RNF217: variants seen among roughly 807,000 people sequenced by gnomAD.
RNF217 encodes E3 ubiquitin-protein ligase RNF217.
RNF217 carries 31 observed loss-of-function variants against 57.8 expected under a neutral mutation model. That is an observed-to-expected ratio of 0.54 (90% CI 0.40 to 0.72). The LOEUF (loss-of-function observed/expected upper bound fraction) is 0.72, where lower values mean the gene tolerates loss of function less well. RNF217 is among the 30% of genes least tolerant of loss of function. RNF217 has a pLI of 0.00. For synonymous variants in RNF217, 313 were observed against 294.0 expected (o/e 1.06, Z -0.66); for missense variants, 696 against 708.3 (o/e 0.98, Z 0.20).
rs750897491 is a variant in RNF217 at position 124,962,870 on chromosome 6, A to G, written c.326A>G (p.Glu109Gly). ...TTGCCACTGCAGTTGGAGCTGGAGG[A>G]GGAAGAGGAGGAAGCTGGGGATCGA... ...QTLPLQLELE[E>G]EEEEAGDRKE... is the part of the protein sequence containing the mutation. Residue 109 changes from glutamate to glycine, a missense_variant, in exon 1 of 6, where the codon GAG (glutamate) becomes GGG (glycine). Glu to Gly is a moderately conservative substitution (Grantham distance 98). This residue lies in a region of RNF217 where 465 missense variants were observed against 386.8 expected (regional missense o/e 1.20). Transcript: ENST00000521654. The surrounding 1 kb of genome is among the most constrained non-coding windows in gnomAD (Gnocchi z 4.6). The G allele has an allele frequency of 9.4e-6, 15 of 1,597,862 alleles. No homozygotes were observed. The highest frequency in any genetic ancestry group is 1.3e-5 in the Non-Finnish European group (15 of 1,179,642).
In RNF217 at chr6:125,083,529, G is replaced by A. The variant is rs1241437325; in HGVS notation, c.*592G>A. On this transcript the variant is annotated 3_prime_UTR_variant, in exon 6 of 6. Transcript: ENST00000521654. ...ATGAGAAGAATATTAAGTTACTGAA[G>A]TGTATATGCGTAGGGGCGTGAATGT... is the stretch of plus-strand genomic sequence containing the variant. The A allele has an allele frequency of 6.6e-6, 1 of 152,090 alleles. No homozygotes were observed. Among genetic ancestry groups the A allele is most frequent in the Admixed American group, 6.6e-5 (1 of 15,240 alleles). The allele number at this position is 152,090 out of a possible 1,614,324, so 9.4% of individuals were successfully genotyped here. A position where few individuals can be genotyped will look rare whatever the true frequency, so the allele number is the denominator to read the frequency against.
intron 1 of RNF217, among the ~76,000 whole-genome samples, chr6:124,980,842 A>G (rs1009169943): frequency 2.0e-5 from 3 of 152,226 alleles, no homozygotes; most frequent in Non-Finnish European, 4.4e-5. Flanking sequence ...TATTGATCAT[A>G]AAACCAGTAG....
chr6:125,035,649 G>C (rs1786581972), intron 1 of RNF217, among the ~76,000 whole-genome samples: 1 of 152,034 alleles, frequency 6.6e-6, no homozygotes. Context: ...GGTAAACAAA[G>C]ATTTAAATTA....
intron 3 of RNF217, among the ~76,000 whole-genome samples, chr6:125,070,710 AT>A (rs1227590454): frequency 1.3e-5 from 2 of 152,202 alleles, no homozygotes; most frequent in East Asian, 1.9e-4. Context: ...GTTTCAGGAA[AT>A]TTTTTTAAAG....
chr6:125,018,168 AGT>A (rs1785684877), intron 1 of RNF217, among the ~76,000 whole-genome samples: 1 of 152,204 alleles, frequency 6.6e-6, no homozygotes, highest in African/African-American at 2.4e-5. Context: ...AATTAGAGGT[AGT>A]GTAGAATCAT....
chr6:125,054,748 G>A (rs953982415), intron 2 of RNF217, among the ~76,000 whole-genome samples: 1 of 152,124 alleles, frequency 6.6e-6, no homozygotes, highest in Admixed American at 6.6e-5. Context: ...TCAAACTTTA[G>A]GATGCATACA....
rs760630038 is a variant in RNF217 at position 125,045,404 on chromosome 6, G to A, written c.1076G>A (p.Gly359Glu). 1.9e-6 allele frequency: 3 copies of A among 1,613,112 alleles called. No homozygotes were observed. In the Admixed American group the frequency reaches 5.0e-5, roughly 27 times the overall value. ...CKHFTTFKKK[G>E]HIPTPSRSES... ...CACTTTACAACCTTCAAGAAAAAAG[G>A]ACATATTCCCACCCCTTCCAGATCA... The change falls in exon 2 of 6, where the codon GGA becomes GAA. Residue 359 changes from glycine (G) to glutamate (E), a missense_variant. Gly to Glu is a moderately conservative substitution (Grantham distance 98). Around this residue, in one of 2 missense-constraint regions of RNF217, gnomAD observed 231 missense variants for 321.4 expected, o/e 0.72. Coordinates refer to ENST00000521654, the MANE Select transcript of RNF217 (RefSeq NM_001286398.3).
chr6:125,036,260 T>C (rs1230844690), intron 1 of RNF217, among the ~76,000 whole-genome samples: 1 of 152,180 alleles, frequency 6.6e-6, no homozygotes, highest in East Asian at 1.9e-4. Context: ...GTGAACTCAT[T>C]CTTTTTTATG....
chr6:125,013,180 G>T (rs1785472713), intron 1 of RNF217, among the ~76,000 whole-genome samples: 1 of 152,002 alleles, frequency 6.6e-6, no homozygotes, highest in Non-Finnish European at 1.5e-5. Flanking sequence ...TAACCAAAAT[G>T]AGTCCCTGTT....
chr6:124,995,308 G>T (rs1784708699), intron 1 of RNF217, among the ~76,000 whole-genome samples: 1 of 152,076 alleles, frequency 6.6e-6, no homozygotes, highest in Non-Finnish European at 1.5e-5. Flanking sequence ...AATATTGAAG[G>T]CCATCCTGGT....
intron 1 of RNF217, among the ~76,000 whole-genome samples, chr6:124,973,546 G>A (rs1164559785): frequency 6.6e-6 from 1 of 152,106 alleles, no homozygotes; most frequent in Admixed American, 6.5e-5. Flanking sequence ...AAGCCTGAAT[G>A]AATGATTGAA....
At chr6:125,062,503 A>G (rs530554668) in intron 3 of RNF217, among the ~76,000 whole-genome samples, 9 of 152,284 alleles carry the variant, frequency 5.9e-5, no homozygotes, top group African/African-American at 2.2e-4. Flanking sequence ...TTATGAAAAC[A>G]TAACCCACCA....
At chr6:124,984,311 G>GCATTTGAGCC (rs1390810311) in intron 1 of RNF217, among the ~76,000 whole-genome samples, 1 of 151,986 alleles carries the variant, frequency 6.6e-6, no homozygotes, top group Non-Finnish European at 1.5e-5. Context: ...CTTTGGGAAG[G>GCATTTGAGCC]CAAGGTGGGT....
intron 1 of RNF217, among the ~76,000 whole-genome samples, chr6:125,019,794 T>G (rs1015223080): frequency 1.4e-5 from 2 of 147,736 alleles, no homozygotes; most frequent in Non-Finnish European, 3.0e-5. Flanking sequence ...CTGGATTCCA[T>G]GTTGCCTGCT....
At chr6:125,051,140 C>T (rs1787299021) in intron 2 of RNF217, among the ~76,000 whole-genome samples, 1 of 151,714 alleles carries the variant, frequency 6.6e-6, no homozygotes, top group Non-Finnish European at 1.5e-5. Context: ...TGTGCTTGAA[C>T]TTCTAACAGC....
chr6:125,058,486 C>T (rs1278561326), intron 3 of RNF217, among the ~76,000 whole-genome samples: 2 of 152,096 alleles, frequency 1.3e-5, no homozygotes, highest in African/African-American at 2.4e-5. Flanking sequence ...GCTTTGAATC[C>T]TTGCGATCTT....
chr6:125,033,187 A>G (rs1020521694), intron 1 of RNF217, among the ~76,000 whole-genome samples: 2 of 150,614 alleles, frequency 1.3e-5, no homozygotes, highest in African/African-American at 2.4e-5. Context: ...TTGCCTACAG[A>G]TTCTGTGTTC....
intron 5 of RNF217, among the ~76,000 whole-genome samples, chr6:125,081,799 G>T (rs1342763427): frequency 2.0e-5 from 3 of 151,960 alleles, no homozygotes; most frequent in Non-Finnish European, 4.4e-5. Context: ...AGGGAAAAAG[G>T]CAAGTGGAAT....
intron 1 of RNF217, among the ~76,000 whole-genome samples, chr6:125,009,985 CT>C (rs66917505): frequency 0.6 from 83,152 of 138,800 alleles, 25,298 homozygotes; most frequent in African/African-American, 0.8. Context: ...GCTTAGCATT[CT>C]TTTTTTTTTT....
Sources: gnomAD v4.1 joint callset for allele counts (sites outside exome capture counted in the v4.1 genomes callset) on GRCh38, gnomAD v4.1.1 for gene constraint, gnomAD v4.1.1 regional missense constraint, Gnocchi (gnomAD v3.1) non-coding constraint, MANE v1.5 for transcripts, NCBI Gene and HGNC (gene_info 2026-07-23, HGNC 2026-07-21) for gene names.